PPFIA2: variants seen among roughly 807,000 people sequenced by gnomAD.
PPFIA2 encodes the protein PPFI scaffold protein A2, also known as liprin-alpha-2.
A neutral mutation model predicts 175.5 loss-of-function variants in PPFIA2; 46 were observed. The ratio of observed to expected loss-of-function variants is 0.26; its 90% CI spans 0.21 to 0.34. The LOEUF is 0.34. PPFIA2 is among the 10% of genes least tolerant of loss of function. The pLI, the probability that PPFIA2 is intolerant of heterozygous loss-of-function variation, is 1.00. For synonymous variants in PPFIA2, 568 were observed against 511.4 expected (o/e 1.11, Z -1.49); for missense variants, 1,179 against 1,506.1 (o/e 0.78, Z 3.60).
At chr12:81,492,399 G>T (rs2059517815) in intron 4 of PPFIA2, among the ~76,000 whole-genome samples, 1 of 151,932 alleles carries the variant, frequency 6.6e-6, no homozygotes, top group Non-Finnish European at 1.5e-5. Flanking sequence ...TCCTTGCAGG[G>T]ATGATAGTGG....
At chr12:81,524,558 G>A (rs1234029773) in intron 4 of PPFIA2, among the ~76,000 whole-genome samples, 1 of 152,090 alleles carries the variant, frequency 6.6e-6, no homozygotes, top group Admixed American at 6.5e-5. Context: ...CACATAATTT[G>A]TTTTATTTCA....
chr12:81,484,079 A>C (rs2058553871), intron 4 of PPFIA2, among the ~76,000 whole-genome samples: 1 of 151,990 alleles, frequency 6.6e-6, no homozygotes, highest in Admixed American at 6.6e-5. Flanking sequence ...ATGTGGCATT[A>C]CCTGGGCGAA....
chr12:81,388,624 A>C (rs927237880), intron 8 of PPFIA2, among the ~76,000 whole-genome samples: 4 of 152,100 alleles, frequency 2.6e-5, no homozygotes, highest in African/African-American at 9.7e-5. Flanking sequence ...AGAATTGTGC[A>C]CTTAAATTGT....
intron 8 of PPFIA2, among the ~76,000 whole-genome samples, chr12:81,403,347 T>G (rs976564519): frequency 6.6e-6 from 1 of 152,230 alleles, no homozygotes; most frequent in African/African-American, 2.4e-5. Flanking sequence ...ATATCAATTA[T>G]GCATAAATCC....
rs533839363 is a variant in PPFIA2, at chr12:81,503,554, A to G, written c.304-45688T>C. Among the ~76,000 whole-genome samples, 1,132 of 151,902 alleles carry G rather than the reference A, an allele frequency of 7.5e-3. 11 individuals carry two copies. The highest frequency in any genetic ancestry group is 0.025 in the African/African-American group (1,040 of 41,466). ...CTCATCCTTTTGTTATTTTGCTAAA[A>G]AAAAAAAAAAAGTTTCATTCCATGA... On this transcript the variant is annotated intron_variant, in intron 4 of 32. Coordinates refer to ENST00000549396, the MANE Select transcript of PPFIA2 (RefSeq NM_003625.5).
Position 81,259,574 on chromosome 12 carries a change from T to C in PPFIA2, c.*120A>G. The C allele has an allele frequency of 6.8e-7, 1 of 1,466,290 alleles. No individual in the cohort carries two copies. The highest frequency in any genetic ancestry group is 9.2e-7 in the Non-Finnish European group (1 of 1,085,398). The allele number at this position is 1,466,290 out of a possible 1,614,324, so 90.8% of individuals were successfully genotyped here. The stretch of plus-strand genomic sequence containing the variant: ...AATAAGTCATGACGTCATTATTTCC[T>C]TAGAATTCAGTTTTCACAAAGGTTT... On this transcript the variant is annotated 3_prime_UTR_variant, in exon 33 of 33. Coordinates refer to ENST00000549396, the MANE Select transcript of PPFIA2 (RefSeq NM_003625.5).
chr12:81,353,418 C>G, intron 16 of PPFIA2, 79 bp from the exon 17 acceptor site: 1 of 995,760 alleles, frequency 1.0e-6, no homozygotes, highest in Non-Finnish European at 1.6e-6. Context: ...ACAGCAACAA[C>G]AACAGGCATG....
At chr12:81,699,513 G>A (rs2076263161) in intron 3 of PPFIA2, among the ~76,000 whole-genome samples, 1 of 150,446 alleles carries the variant, frequency 6.6e-6, no homozygotes, top group Non-Finnish European at 1.5e-5. Context: ...AGCTCTTATT[G>A]AAGACATATA....
At chr12:81,386,944 C>T (rs1051887057) in intron 8 of PPFIA2, among the ~76,000 whole-genome samples, 2 of 152,064 alleles carry the variant, frequency 1.3e-5, no homozygotes, top group Non-Finnish European at 1.5e-5. Flanking sequence ...GAAAACCACA[C>T]CTGGCTGAAA....
At chr12:81,394,655 G>C (rs1326051113) in intron 8 of PPFIA2, among the ~76,000 whole-genome samples, 1 of 151,896 alleles carries the variant, frequency 6.6e-6, no homozygotes, top group Non-Finnish European at 1.5e-5. Flanking sequence ...GGCCTGTCAG[G>C]GTGTTGGGGG....
chr12:81,404,284 T>C (rs1479709024), intron 8 of PPFIA2, among the ~76,000 whole-genome samples: 2 of 152,180 alleles, frequency 1.3e-5, no homozygotes, highest in Non-Finnish European at 2.9e-5. Context: ...AAATACAGCA[T>C]TATTATAGAA....
At chr12:81,548,543 G>C (rs187821066) in intron 4 of PPFIA2, among the ~76,000 whole-genome samples, 61 of 152,086 alleles carry the variant, frequency 4.0e-4, no homozygotes, top group Non-Finnish European at 5.1e-4. Flanking sequence ...ATGTTACCTA[G>C]ACTGCACTTA....
chr12:81,703,351 T>A (rs1413460305), intron 3 of PPFIA2, among the ~76,000 whole-genome samples: 1 of 151,992 alleles, frequency 6.6e-6, no homozygotes, highest in Non-Finnish European at 1.5e-5. Flanking sequence ...TCTGAAAAAA[T>A]CATTCCAACA....
In PPFIA2 at chr12:81,426,247, AG is replaced by A. The variant is rs200521913; in HGVS notation, c.645+13724del. ...TACTCTGTCATGTGTCAATTCTAGA[AG>A]GGTAATACGTCCTGAGGATAACAGA... On this transcript the variant is annotated intron_variant, in intron 7 of 32. Coordinates refer to ENST00000549396, the MANE Select transcript of PPFIA2 (RefSeq NM_003625.5). 6.9e-3 allele frequency among the ~76,000 whole-genome samples: 1,054 copies of A among 152,346 alleles called. 14 individuals carry two copies. Among genetic ancestry groups the A allele is most frequent in the African/African-American group, 0.024 (1,010 of 41,572 alleles).
At chr12:81,317,625 G>C (rs1261687994) in intron 22 of PPFIA2, among the ~76,000 whole-genome samples, 1 of 151,558 alleles carries the variant, frequency 6.6e-6, no homozygotes, top group East Asian at 1.9e-4. Context: ...TTCAGGTTTG[G>C]TCACCTGGGT....
intron 4 of PPFIA2, among the ~76,000 whole-genome samples, chr12:81,664,870 A>G (rs942332228): frequency 2.0e-5 from 3 of 152,092 alleles, no homozygotes; most frequent in African/African-American, 7.3e-5. Context: ...AAAAAGGATG[A>G]GTTAATGTCC....
At chr12:81,586,087 G>A (rs1239848494) in intron 4 of PPFIA2, among the ~76,000 whole-genome samples, 1 of 152,046 alleles carries the variant, frequency 6.6e-6, no homozygotes, top group South Asian at 2.1e-4. Context: ...TTAAGTGGTT[G>A]TATGACTGTA....
intron 3 of PPFIA2, among the ~76,000 whole-genome samples, chr12:81,741,441 A>AT (rs1310237561): frequency 1.3e-5 from 2 of 151,842 alleles, no homozygotes; most frequent in African/African-American, 4.8e-5. Flanking sequence ...TTTATTTAGT[A>AT]TTTTTTTTAA....
In PPFIA2 at chr12:81,685,550, G is replaced by A. The variant is rs531182342; in HGVS notation, c.250-8706C>T. On this transcript the variant is annotated intron_variant, in intron 3 of 32. Coordinates refer to ENST00000549396, the MANE Select transcript of PPFIA2 (RefSeq NM_003625.5). ...GAGCAAATTTTGTGGCTGAGGCACTGTACTCTTCATGGGAGGACACAATGA... is the reference window on the plus strand; with the variant it reads ...GAGCAAATTTTGTGGCTGAGGCACTATACTCTTCATGGGAGGACACAATGA... 2.0e-4 allele frequency among the ~76,000 whole-genome samples: 30 copies of A among 152,114 alleles called. No individual in the cohort carries two copies. The South Asian group carries it at 5.6e-3, about 28-fold the overall frequency.
Sources: gnomAD v4.1 joint callset for allele counts (sites outside exome capture counted in the v4.1 genomes callset) on GRCh38, gnomAD v4.1.1 for gene constraint, MANE v1.5 for transcripts, NCBI Gene and HGNC (gene_info 2026-07-23, HGNC 2026-07-21) for gene names.